DIAPH3: variants seen among roughly 807,000 people sequenced by gnomAD.
The protein encoded by DIAPH3 is diaphanous related formin 3.
DIAPH3 carries 117 observed loss-of-function variants against 144.3 expected under a neutral mutation model. That is an observed-to-expected ratio of 0.81 (90% CI 0.70 to 0.95). DIAPH3 has a LOEUF of 0.95. Among genes scored for constraint, DIAPH3 ranks in the 40% least tolerant of loss-of-function variants. The pLI, the probability that DIAPH3 is intolerant of heterozygous loss-of-function variation, is 0.00. For missense variants in DIAPH3, 1,421 were observed against 1,412.7 expected, an observed-to-expected ratio of 1.01 and a Z score of -0.09; for synonymous variants, 519 against 488.9, an observed-to-expected ratio of 1.06 and a Z score of -0.81.
intron 3 of DIAPH3, among the ~76,000 whole-genome samples, chr13:60,097,439 G>A (rs141290712): frequency 3.9e-5 from 6 of 152,254 alleles, no homozygotes; most frequent in Admixed American, 1.3e-4. Flanking sequence ...CTCACCATGT[G>A]ATCTCTGCAC....
intron 1 of DIAPH3, among the ~76,000 whole-genome samples, chr13:60,156,941 T>TATATATATATATATATATA (rs1566834028): frequency 9.9e-4 from 27 of 27,370 alleles, no homozygotes; most frequent in African/African-American, 3.0e-3. Flanking sequence ...ATATATATAT[T>TATATATATATATATATATA]TTTTTTTTTT....
intron 24 of DIAPH3, among the ~76,000 whole-genome samples, chr13:59,812,843 A>C (rs1370916757): frequency 2.0e-5 from 3 of 152,170 alleles, no homozygotes; most frequent in African/African-American, 7.2e-5. Context: ...TTTTCAAGCA[A>C]GTGCAAAACT....
intron 9 of DIAPH3, among the ~76,000 whole-genome samples, chr13:59,994,229 C>G (rs2052040684): frequency 6.6e-6 from 1 of 151,870 alleles, no homozygotes; most frequent in African/African-American, 2.4e-5. Flanking sequence ...GCATGGCTTA[C>G]AATCTATTTA....
At chr13:59,959,324 A>G (rs1011242751) in intron 17 of DIAPH3, among the ~76,000 whole-genome samples, 3 of 152,202 alleles carry the variant, frequency 2.0e-5, no homozygotes, top group African/African-American at 7.2e-5. Context: ...TGAAATAAGA[A>G]ATTTTATGGC....
At chr13:59,734,489 G>C (rs1267524540) in intron 27 of DIAPH3, among the ~76,000 whole-genome samples, 1 of 151,842 alleles carries the variant, frequency 6.6e-6, no homozygotes, top group Admixed American at 6.6e-5. Context: ...ATCTAACTTT[G>C]CCTCTGAGGA....
intron 3 of DIAPH3, among the ~76,000 whole-genome samples, chr13:60,103,852 A>G (rs2058338828): frequency 6.6e-6 from 1 of 152,224 alleles, no homozygotes. Context: ...TTCTGCTAAA[A>G]GTGTAATTCT....
chr13:59,959,160 G>A (rs7985172), intron 17 of DIAPH3, among the ~76,000 whole-genome samples: 84,005 of 151,954 alleles, frequency 0.55, 23,770 homozygotes, highest in Admixed American at 0.6. Context: ...ACAGGTGTGA[G>A]CCACTGCACC....
intron 14 of DIAPH3, among the ~76,000 whole-genome samples, chr13:59,974,695 C>T (rs897192197): frequency 1.3e-5 from 2 of 151,958 alleles, no homozygotes; most frequent in African/African-American, 4.8e-5. Flanking sequence ...AAGTCTGTGA[C>T]CTTCTCTCTG....
At chr13:59,905,149 T>C (rs997986126) in intron 20 of DIAPH3, among the ~76,000 whole-genome samples, 1 of 151,770 alleles carries the variant, frequency 6.6e-6, no homozygotes, top group African/African-American at 2.4e-5. Flanking sequence ...GAGATCATCC[T>C]GGCTAAAATG....
Position 59,727,677 on chromosome 13 carries a change from T to C in DIAPH3, c.3319+46512A>G, listed in dbSNP as rs374779564. Among the ~76,000 whole-genome samples, 7 of 152,284 alleles carry C rather than the reference T, an allele frequency of 4.6e-5. No homozygotes were observed. In the East Asian group the frequency reaches 1.3e-3, roughly 29 times the overall value. On this transcript the variant is annotated intron_variant, in intron 27 of 27. Transcript: ENST00000400324. Reference sequence around the variant, plus strand: ...ATCTAGAGTAGGAGCTATATAAGCATTGGCTCTTATTTCTATGGTTAGGAA... The same window carrying C: ...ATCTAGAGTAGGAGCTATATAAGCACTGGCTCTTATTTCTATGGTTAGGAA...
At chr13:59,672,473 T>C (rs2032426372) in intron 27 of DIAPH3, among the ~76,000 whole-genome samples, 1 of 152,238 alleles carries the variant, frequency 6.6e-6, no homozygotes, top group Admixed American at 6.5e-5. Context: ...TGTTTTTAAC[T>C]ATTACTTTGA....
intron 27 of DIAPH3, among the ~76,000 whole-genome samples, chr13:59,681,522 C>T (rs2032947280): frequency 6.6e-6 from 1 of 151,782 alleles, no homozygotes; most frequent in Non-Finnish European, 1.5e-5. Flanking sequence ...ACACAATCCA[C>T]AAATAAGGAA....
intron 9 of DIAPH3, among the ~76,000 whole-genome samples, chr13:59,998,346 G>A (rs1049716160): frequency 4.0e-5 from 6 of 151,888 alleles, no homozygotes; most frequent in African/African-American, 7.3e-5. Flanking sequence ...TGCAATTTTC[G>A]TATGAAATGT....
At chr13:59,916,319 T>C (rs2047222253) in intron 18 of DIAPH3, 70 bp from the exon 19 acceptor site, 4 of 1,154,738 alleles carry the variant, frequency 3.5e-6, no homozygotes, top group African/African-American at 3.1e-5. Flanking sequence ...TGTAGTTCTA[T>C]TTATAAAATC....
intron 7 of DIAPH3, among the ~76,000 whole-genome samples, chr13:60,012,320 T>A (rs371608910): frequency 6.6e-6 from 1 of 151,564 alleles, no homozygotes; most frequent in Non-Finnish European, 1.5e-5. Context: ...AGAATATGAA[T>A]TTTGGAGAGA....
chr13:59,760,664 A>G (rs2037531918), intron 27 of DIAPH3, among the ~76,000 whole-genome samples: 1 of 152,326 alleles, frequency 6.6e-6, no homozygotes, highest in East Asian at 1.9e-4. Flanking sequence ...GTATGCAAAT[A>G]TAATAGGCCT....
intron 24 of DIAPH3, among the ~76,000 whole-genome samples, chr13:59,816,016 G>A (rs1298304064): frequency 1.3e-5 from 2 of 151,936 alleles, no homozygotes; most frequent in Admixed American, 1.3e-4. Flanking sequence ...TTAGTTCATG[G>A]TTCTTGTTTT....
rs534943757 is a variant in DIAPH3, at chr13:59,785,127, G to A, written c.3164-10304C>T. On this transcript the variant is annotated intron_variant, in intron 25 of 27. Transcript: ENST00000400324. ...GAGTTAGAAAGCCGATTTTCATTGG[G>A]ATTTAACTGATAAAATGATAATCAG... is the stretch of plus-strand genomic sequence containing the variant. Among the ~76,000 whole-genome samples, 124 of 152,240 alleles carry A rather than the reference G, an allele frequency of 8.1e-4. 2 individuals are homozygous for A. Among genetic ancestry groups the A allele is most frequent in the South Asian group, 4.4e-3 (21 of 4,824 alleles).
intron 23 of DIAPH3, among the ~76,000 whole-genome samples, chr13:59,834,203 G>A (rs2041924662): frequency 6.6e-6 from 1 of 151,510 alleles, no homozygotes; most frequent in African/African-American, 2.4e-5. Flanking sequence ...TTTTTCTTGT[G>A]TGGCAAATTG....
Sources: allele counts gnomAD v4.1 joint callset (sites outside exome capture counted in the v4.1 genomes callset), GRCh38; gene constraint gnomAD v4.1.1; transcripts MANE v1.5; gene names NCBI Gene and HGNC (gene_info 2026-07-23, HGNC 2026-07-21).